Variants in NRXN3 observed in about 807,000 individuals in gnomAD.
NRXN3 encodes neurexin 3.
NRXN3 carries 32 observed loss-of-function variants against 137.6 expected under a neutral mutation model. The observed-to-expected ratio is 0.23, with a 90% CI of 0.18 to 0.31. The LOEUF (loss-of-function observed/expected upper bound fraction) is 0.31. NRXN3 is among the 10% of genes least tolerant of loss of function. The probability of loss-of-function intolerance (pLI) is 1.00; values close to 1 mark genes in which losing one functional copy is unlikely to be tolerated. For synonymous variants in NRXN3, 798 were observed against 784.5 expected (o/e 1.02, Z -0.29); for missense variants, 1,574 against 2,062.5 (o/e 0.76, Z 4.59).
At position 78,232,862 on chromosome 14, in the gene NRXN3, G is replaced by C. The variant is rs887178513; in HGVS notation, c.-703-9529G>C. 7.2e-5 allele frequency among the ~76,000 whole-genome samples: 11 copies of C among 152,218 alleles called. 1 individual carries two copies. The highest frequency in any genetic ancestry group is 3.2e-3 in the Middle Eastern group (1 of 316). ...GGGAGGCCCACTGGCCAGGGAGGAGGGGGTGAGAGAAGGGAGGAGGCTGAA... is the reference window on the plus strand; with the variant it reads ...GGGAGGCCCACTGGCCAGGGAGGAGCGGGTGAGAGAAGGGAGGAGGCTGAA... On this transcript the variant is annotated intron_variant, in intron 1 of 20. Coordinates refer to ENST00000335750, the MANE Select transcript of NRXN3 (RefSeq NM_001330195.2).
At chr14:78,315,400 C>A (rs935662164) in intron 4 of NRXN3, among the ~76,000 whole-genome samples, 4 of 152,170 alleles carry the variant, frequency 2.6e-5, no homozygotes, top group Non-Finnish European at 5.9e-5. Context: ...GACTTTAGTT[C>A]CTGCCTCAGA....
chr14:78,172,715 T>C (rs1409601246), intron 1 of NRXN3, among the ~76,000 whole-genome samples: 1 of 152,178 alleles, frequency 6.6e-6, no homozygotes, highest in Non-Finnish European at 1.5e-5. Context: ...CTGGGTTTAT[T>C]TTTTAAAAAC....
intron 1 of NRXN3, among the ~76,000 whole-genome samples, chr14:78,227,481 C>T (rs534755837): frequency 3.3e-5 from 5 of 152,310 alleles, no homozygotes; most frequent in African/African-American, 7.2e-5. Flanking sequence ...TTGTTTGCTC[C>T]GTGCATGTTA....
At position 78,433,521 on chromosome 14, in the gene NRXN3, C is replaced by T. The variant is rs1175214707; in HGVS notation, c.757+135661C>T. On this transcript the variant is annotated intron_variant, in intron 4 of 20. Transcript: ENST00000335750. ...CAATGCAACAATGTGAGAGTTGGGA[C>T]CTTTAAGAGGTGATTAGGTCACGTG... Among the ~76,000 whole-genome samples, 9 of 152,054 alleles carry T rather than the reference C, an allele frequency of 5.9e-5. No homozygotes were observed. In the East Asian group the frequency reaches 1.3e-3, roughly 23 times the overall value.
Position 79,368,190 on chromosome 14 carries a change from A to G in NRXN3, c.3263-99031A>G, listed in dbSNP as rs569213099. On this transcript the variant is annotated intron_variant, in intron 15 of 20. Coordinates refer to ENST00000335750, the MANE Select transcript of NRXN3 (RefSeq NM_001330195.2). The stretch of plus-strand genomic sequence containing the variant: ...ATTTTTAAAATTCCCCAGTTTAGGA[A>G]TTGAAGTGACTGCATACTAAAGTTG... Among the ~76,000 whole-genome samples the G allele has an allele frequency of 2.0e-5, 3 of 152,326 alleles. No homozygotes were observed. The South Asian group carries it at 6.2e-4, about 32-fold the overall frequency.
At chr14:78,949,976 C>T (rs31435) in intron 10 of NRXN3, among the ~76,000 whole-genome samples, 1,826 of 152,202 alleles carry the variant, frequency 0.012, 40 homozygotes, top group African/African-American at 0.042. Context: ...ATCTCTTTAG[C>T]TCAATCACAT....
In NRXN3 at chr14:79,861,335, G is replaced by C. The variant is rs1184206687; in HGVS notation, c.4094-7G>C. ...AGATTTTTACACCACCTTCTCCTTG[G>C]TAACAGATAAGAGTCTTTCCACTTC... On this transcript the variant is annotated splice_polypyrimidine_tract_variant and splice_region_variant and intron_variant, in intron 20 of 20. Coordinates refer to ENST00000335750, the MANE Select transcript of NRXN3 (RefSeq NM_001330195.2). This position sits in a 1 kb window ranked among gnomAD's most constrained non-coding sequence, Gnocchi z 5.4. 1.3e-6 allele frequency: 2 copies of C among 1,535,956 alleles called. No homozygotes were observed. Among genetic ancestry groups the C allele is most frequent in the African/African-American group, 2.7e-5 (2 of 73,004 alleles).
At chr14:78,943,293 G>A (rs2099356713) in intron 10 of NRXN3, among the ~76,000 whole-genome samples, 1 of 152,040 alleles carries the variant, frequency 6.6e-6, no homozygotes, top group Non-Finnish European at 1.5e-5. Flanking sequence ...ACTAGAAAAT[G>A]TTCCTTATGC....
chr14:78,482,555 C>G (rs1432461924), intron 4 of NRXN3, among the ~76,000 whole-genome samples: 1 of 152,190 alleles, frequency 6.6e-6, no homozygotes, highest in Non-Finnish European at 1.5e-5. Context: ...AAATACCTGT[C>G]AATGGCTTGA....
chr14:78,314,978 C>CCTT (rs2078505889), intron 4 of NRXN3, among the ~76,000 whole-genome samples: 1 of 93,466 alleles, frequency 1.1e-5, no homozygotes, highest in African/African-American at 5.3e-5. Context: ...TTCCTTCCTT[C>CCTT]CTTCCTTCCT....
At chr14:78,412,050 G>T (rs546574673) in intron 4 of NRXN3, among the ~76,000 whole-genome samples, 3 of 152,206 alleles carry the variant, frequency 2.0e-5, no homozygotes, top group South Asian at 4.2e-4. Context: ...TACATCCTAG[G>T]ATGGGTGTGA....
At chr14:79,428,586 T>C (rs2095694452) in intron 15 of NRXN3, among the ~76,000 whole-genome samples, 1 of 152,076 alleles carries the variant, frequency 6.6e-6, no homozygotes, top group Non-Finnish European at 1.5e-5. Context: ...TTTTCTTACA[T>C]ATATTATATA....
intron 14 of NRXN3, among the ~76,000 whole-genome samples, chr14:78,982,094 C>A (rs536785516): frequency 7.9e-5 from 12 of 152,170 alleles, no homozygotes; most frequent in African/African-American, 2.4e-4. Context: ...ATACCACCAC[C>A]CCACCCACCC....
intron 6 of NRXN3, among the ~76,000 whole-genome samples, chr14:78,659,359 T>C (rs1384515968): frequency 6.6e-6 from 1 of 152,104 alleles, no homozygotes; most frequent in African/African-American, 2.4e-5. Context: ...TATAGAGCTT[T>C]TTTATGGGTT....
intron 11 of NRXN3, 80 bp from the exon 12 acceptor site, chr14:78,965,945 A>G (rs540774422): frequency 1.1e-3 from 1,609 of 1,474,952 alleles, no homozygotes; most frequent in Non-Finnish European, 1.4e-3. Flanking sequence ...GAAACAGGTT[A>G]CACCCAAAAA....
intron 4 of NRXN3, among the ~76,000 whole-genome samples, chr14:78,517,597 G>A (rs17756657): frequency 0.22 from 32,762 of 152,062 alleles, 3,873 homozygotes; most frequent in Middle Eastern, 0.3. Context: ...TCAGAAACTA[G>A]ACTGTCAGCT....
At chr14:79,852,860 T>TTA (rs1440245090) in intron 20 of NRXN3, among the ~76,000 whole-genome samples, 2 of 151,508 alleles carry the variant, frequency 1.3e-5, no homozygotes, top group African/African-American at 4.8e-5. Flanking sequence ...GCTTTTTATA[T>TTA]TATATATATC....
At chr14:78,528,150 T>G (rs1366444876) in intron 4 of NRXN3, among the ~76,000 whole-genome samples, 1 of 152,254 alleles carries the variant, frequency 6.6e-6, no homozygotes, top group East Asian at 1.9e-4. Flanking sequence ...AGGGAGTTAA[T>G]GGAAGTAAAA....
At chr14:78,213,446 A>G (rs2178863) in intron 1 of NRXN3, among the ~76,000 whole-genome samples, 75,248 of 151,948 alleles carry the variant, frequency 0.5, 19,268 homozygotes, top group African/African-American at 0.6. Context: ...ACCTGACTCC[A>G]GTGAAAGGAG....
Sources: gnomAD v4.1 joint callset for allele counts (sites outside exome capture counted in the v4.1 genomes callset) on GRCh38, gnomAD v4.1.1 for gene constraint, Gnocchi (gnomAD v3.1) non-coding constraint, MANE v1.5 for transcripts, NCBI Gene and HGNC (gene_info 2026-07-23, HGNC 2026-07-21) for gene names.